RPS6KC1: variants seen among roughly 807,000 people sequenced by gnomAD.
RPS6KC1 encodes ribosomal protein S6 kinase C1.
A neutral mutation model predicts 103.8 loss-of-function variants in RPS6KC1; 54 were observed. The observed-to-expected ratio is 0.52, with a 90% CI of 0.42 to 0.65. The LOEUF (loss-of-function observed/expected upper bound fraction) is 0.65. Among genes scored for constraint, RPS6KC1 ranks in the 30% least tolerant of loss-of-function variants. The pLI is 0.00. For missense variants in RPS6KC1, 1,151 were observed against 1,253.8 expected, an observed-to-expected ratio of 0.92 and a Z score of 1.24; for synonymous variants, 439 against 438.7, an observed-to-expected ratio of 1.00 and a Z score of -0.01.
the RPS6KC1 span, among the ~76,000 whole-genome samples, chr1:213,517,222 A>G: frequency 1.3e-5 from 2 of 151,608 alleles, no homozygotes; most frequent in Admixed American, 6.6e-5. Context: ...TTGTGTCTCT[A>G]TTTCCTTCAG....
chr1:213,790,121 A>C, the RPS6KC1 span, among the ~76,000 whole-genome samples: 18 of 152,324 alleles, frequency 1.2e-4, no homozygotes, highest in Non-Finnish European at 2.5e-4. Context: ...CCAACCCAGC[A>C]TTCCAAAGTC....
chr1:213,522,630 A>G, the RPS6KC1 span, among the ~76,000 whole-genome samples: 1 of 152,220 alleles, frequency 6.6e-6, no homozygotes, highest in Non-Finnish European at 1.5e-5. Context: ...TTTTAGCTGG[A>G]TCTCTTGGAT....
the RPS6KC1 span, among the ~76,000 whole-genome samples, chr1:213,344,803 G>C: frequency 3.9e-5 from 6 of 152,144 alleles, no homozygotes; most frequent in Non-Finnish European, 7.4e-5. Context: ...CCAAAATGCT[G>C]GGATTACAGG....
intron 5 of RPS6KC1, among the ~76,000 whole-genome samples, chr1:213,125,379 AG>A (rs1468606398): frequency 1.3e-5 from 2 of 152,122 alleles, no homozygotes; most frequent in African/African-American, 4.8e-5. Flanking sequence ...ATCTATTATT[AG>A]GAATTTGTTA....
chr1:213,295,968 A>G, the RPS6KC1 span, among the ~76,000 whole-genome samples: 1 of 152,218 alleles, frequency 6.6e-6, no homozygotes, highest in South Asian at 2.1e-4. Flanking sequence ...TTTCTTAAGG[A>G]GGCCTTAAAG....
At chr1:213,405,604 C>T in the RPS6KC1 span, among the ~76,000 whole-genome samples, 41 of 152,162 alleles carry the variant, frequency 2.7e-4, no homozygotes, top group Non-Finnish European at 5.6e-4. Context: ...TGGCAAAATC[C>T]TGGATTGGAA....
At chr1:213,533,932 A>T in the RPS6KC1 span, among the ~76,000 whole-genome samples, 3 of 152,142 alleles carry the variant, frequency 2.0e-5, no homozygotes, top group Non-Finnish European at 4.4e-5. Context: ...CAGTCGATCA[A>T]GGAAGGGACC....
the RPS6KC1 span, among the ~76,000 whole-genome samples, chr1:213,606,456 A>G: frequency 6.6e-6 from 1 of 152,228 alleles, no homozygotes. Context: ...TTCCTTGCCA[A>G]GTCAGGGCAG....
chr1:213,131,630 A>G (rs10864036), intron 6 of RPS6KC1, among the ~76,000 whole-genome samples: 110,369 of 151,938 alleles, frequency 0.73, 40,836 homozygotes, highest in African/African-American at 0.86. Context: ...TTTTAGCAGA[A>G]ACGGGGTTTC....
At chr1:213,481,752 A>G in the RPS6KC1 span, among the ~76,000 whole-genome samples, 2 of 152,212 alleles carry the variant, frequency 1.3e-5, no homozygotes, top group Non-Finnish European at 1.5e-5. Context: ...GTCTTTTAAT[A>G]GACTAAGAAT....
the RPS6KC1 span, among the ~76,000 whole-genome samples, chr1:213,661,791 T>C: frequency 1.3e-5 from 2 of 152,236 alleles, no homozygotes; most frequent in Non-Finnish European, 2.9e-5. Flanking sequence ...CCTTAAAACA[T>C]TTAAACTTGC....
the RPS6KC1 span, among the ~76,000 whole-genome samples, chr1:213,395,242 A>G: frequency 6.6e-6 from 1 of 152,174 alleles, no homozygotes; most frequent in South Asian, 2.1e-4. Flanking sequence ...TGGGCAAGGT[A>G]TTAAATATCC....
At chr1:213,416,331 C>G in the RPS6KC1 span, among the ~76,000 whole-genome samples, 75 of 152,270 alleles carry the variant, frequency 4.9e-4, no homozygotes, top group African/African-American at 1.8e-3. Flanking sequence ...TGCCATGGGG[C>G]TTGGGGGATG....
intron 8 of RPS6KC1, 81 bp downstream of exon 8, chr1:213,176,573 A>G: frequency 1.1e-6 from 1 of 913,388 alleles, no homozygotes; most frequent in Non-Finnish European, 1.7e-6. Flanking sequence ...TTTGGATCTT[A>G]AGGATATGAA....
At chr1:213,364,607 G>A in the RPS6KC1 span, among the ~76,000 whole-genome samples, 1 of 152,048 alleles carries the variant, frequency 6.6e-6, no homozygotes, top group Non-Finnish European at 1.5e-5. Flanking sequence ...TCAAAGAGAT[G>A]ACCAGGGGGT....
chr1:213,839,971 C>T, the RPS6KC1 span: 2 of 152,262 alleles, frequency 1.3e-5, no homozygotes, highest in East Asian at 3.9e-4. Flanking sequence ...CTTCATCTGC[C>T]TATTTGTAAA....
At chr1:213,697,431 G>A in the RPS6KC1 span, among the ~76,000 whole-genome samples, 4 of 152,218 alleles carry the variant, frequency 2.6e-5, no homozygotes, top group South Asian at 2.1e-4. Flanking sequence ...AGGAACAACC[G>A]TGCTTTGGAG....
chr1:213,357,063 C>A, the RPS6KC1 span, among the ~76,000 whole-genome samples: 1 of 152,134 alleles, frequency 6.6e-6, no homozygotes, highest in African/African-American at 2.4e-5. Flanking sequence ...GAGTAGTGAT[C>A]ACCTCCCTCC....
At chr1:213,505,895 A>G in the RPS6KC1 span, among the ~76,000 whole-genome samples, 1 of 152,106 alleles carries the variant, frequency 6.6e-6, no homozygotes, top group South Asian at 2.1e-4. Context: ...TGGCTTCACT[A>G]TCAAGTGCCT....
Sources: gnomAD v4.1 joint callset for allele counts (sites outside exome capture counted in the v4.1 genomes callset) on GRCh38, gnomAD v4.1.1 for gene constraint, MANE v1.5 for transcripts, NCBI Gene and HGNC (gene_info 2026-07-23, HGNC 2026-07-21) for gene names.